The following NAV1 variants were observed in gnomAD, a reference collection of about 807,000 sequenced individuals.
The protein encoded by NAV1 is pore membrane and/or filament interacting like protein 3.
In NAV1, 18 loss-of-function variants were observed where a neutral mutation model predicts 175.2. The observed-to-expected ratio is 0.10, with a 90% CI of 0.07 to 0.15. The LOEUF is 0.15. Among genes scored for constraint, NAV1 ranks in the 10% least tolerant of loss-of-function variants. The pLI, the probability that NAV1 is intolerant of heterozygous loss-of-function variation, is 1.00. For missense variants in NAV1, 1,731 were observed against 2,436.6 expected, an observed-to-expected ratio of 0.71 and a Z score of 6.10; for synonymous variants, 897 against 978.7, an observed-to-expected ratio of 0.92 and a Z score of 1.56.
intron 1 of NAV1, among the ~76,000 whole-genome samples, chr1:201,568,600 G>A (rs1268985652): frequency 6.6e-6 from 1 of 152,120 alleles, no homozygotes; most frequent in East Asian, 1.9e-4. Context: ...TGGCAATTAG[G>A]CGTGTTGTTT....
chr1:201,670,664 G>A (rs1670007421), intron 1 of NAV1, among the ~76,000 whole-genome samples: 1 of 151,952 alleles, frequency 6.6e-6, no homozygotes, highest in African/African-American at 2.4e-5. Context: ...AGATGATGTG[G>A]TAATGCTTTC....
intron 1 of NAV1, among the ~76,000 whole-genome samples, chr1:201,549,935 C>T (rs144843554): frequency 0.019 from 2,779 of 144,096 alleles, 38 homozygotes; most frequent in Middle Eastern, 0.031. Context: ...GGCGTGAACC[C>T]AGGAGGCGGA....
intron 3 of NAV1, among the ~76,000 whole-genome samples, chr1:201,747,199 C>T (rs1673826071): frequency 6.6e-6 from 1 of 152,164 alleles, no homozygotes; most frequent in Non-Finnish European, 1.5e-5. Context: ...CCTGGGCCCC[C>T]ATTCTCGTGG....
rs115424725 is a variant in NAV1 at position 201,707,549 on chromosome 1, T to A, written c.758-5268T>A. Among the ~76,000 whole-genome samples the A allele has an allele frequency of 3.8e-3, 575 of 152,326 alleles. 3 individuals are homozygous for A. Among genetic ancestry groups the A allele is most frequent in the African/African-American group, 0.013 (546 of 41,564 alleles). The stretch of plus-strand genomic sequence containing the variant: ...CACAGGTCTTTCTGAATCTAAGGAC[T>A]ATGTTCTTGCCACTACATCACTGTC... On this transcript the variant is annotated intron_variant, in intron 1 of 29. Transcript: ENST00000367296.
intron 9 of NAV1, 64 bp downstream of exon 13, chr1:201,786,641 C>CA: frequency 6.6e-7 from 1 of 1,516,164 alleles, no homozygotes. Context: ...CAGGGTGAGG[C>CA]AAGGCAGGTG....
chr1:201,709,247 C>T (rs659356), intron 1 of NAV1, among the ~76,000 whole-genome samples: 8,619 of 151,876 alleles, frequency 0.057, 327 homozygotes, highest in South Asian at 0.15. Flanking sequence ...TGCTCACCCT[C>T]ACAGGAGATG....
intron 2 of NAV1, among the ~76,000 whole-genome samples, chr1:201,604,192 C>G (rs563684266): frequency 6.6e-6 from 1 of 152,274 alleles, no homozygotes; most frequent in South Asian, 2.1e-4. Flanking sequence ...GTAGCTGTGA[C>G]TAAAGGCATG....
chr1:201,683,574 T>A (rs1670553020), intron 1 of NAV1, among the ~76,000 whole-genome samples: 1 of 152,146 alleles, frequency 6.6e-6, no homozygotes, highest in African/African-American at 2.4e-5. Context: ...GCGGTCATGC[T>A]TGCCTGCACA....
At chr1:201,543,589 G>A (rs925966053) in intron 1 of NAV1, among the ~76,000 whole-genome samples, 8 of 151,754 alleles carry the variant, frequency 5.3e-5, no homozygotes, top group Admixed American at 3.9e-4. Flanking sequence ...TTTACATTAG[G>A]ATGGGTTGAT....
chr1:201,719,334 T>A (rs1304866454), intron 3 of NAV1, among the ~76,000 whole-genome samples: 1 of 152,066 alleles, frequency 6.6e-6, no homozygotes, highest in African/African-American at 2.4e-5. Flanking sequence ...GTCCTCAGTG[T>A]CTGCTCCTTG....
chr1:201,597,977 G>A (rs1040225785), intron 2 of NAV1, among the ~76,000 whole-genome samples: 2 of 152,194 alleles, frequency 1.3e-5, no homozygotes, highest in African/African-American at 4.8e-5. Context: ...CAGGATGCCT[G>A]GGCGTCAAGA....
intron 1 of NAV1, among the ~76,000 whole-genome samples, chr1:201,581,878 T>A (rs1378802845): frequency 2.0e-5 from 3 of 151,988 alleles, no homozygotes; most frequent in Non-Finnish European, 2.9e-5. Flanking sequence ...AAGAATTTTT[T>A]TAAAAATGAC....
chr1:201,544,350 T>C (rs921515337), intron 1 of NAV1, among the ~76,000 whole-genome samples: 8 of 152,254 alleles, frequency 5.3e-5, no homozygotes, highest in Non-Finnish European at 1.2e-4. Context: ...TGGTCGGTAA[T>C]ACTGACCCAC....
At chr1:201,614,525 A>G (rs1187913203) in intron 2 of NAV1, among the ~76,000 whole-genome samples, 7 of 152,144 alleles carry the variant, frequency 4.6e-5, no homozygotes, top group Non-Finnish European at 5.9e-5. Context: ...ATCCTGGGAG[A>G]TCAGAGGGAG....
chr1:201,822,533 G>A (rs138523667), exon 30 of NAV1: 2 of 152,648 alleles, frequency 1.3e-5, no homozygotes, highest in African/African-American at 4.8e-5. Context: ...GACCCCAAAG[G>A]GATTCTTGGC....
chr1:201,580,525 C>G (rs1210712914), intron 1 of NAV1, among the ~76,000 whole-genome samples: 1 of 152,168 alleles, frequency 6.6e-6, no homozygotes, highest in African/African-American at 2.4e-5. Flanking sequence ...GTAATCCCAC[C>G]ACTTTGGGAG....
At chr1:201,811,507 A>C in intron 24 of NAV1, 96 bp from the exon 29 acceptor site, 32 of 1,407,214 alleles carry the variant, frequency 2.3e-5, no homozygotes, top group Non-Finnish European at 2.9e-5. Context: ...CCCCAGGGGA[A>C]TCTAGATCTA....
chr1:201,697,438 C>G (rs1257730700), intron 1 of NAV1, among the ~76,000 whole-genome samples: 25 of 152,188 alleles, frequency 1.6e-4, no homozygotes, highest in Admixed American at 1.6e-3. Flanking sequence ...TTCTGGGCAG[C>G]CCTACCTTGC....
chr1:201,542,581 C>T lies in NAV1; in HGVS notation c.-144+3239C>T, dbSNP rs529219102. ...GGCCTGATTTCCTCCGAGAGGCCTG[C>T]GATTTTGCTTCCCAGCATCCTGTGA... On this transcript the variant is annotated intron_variant, in intron 1 of 33. Coordinates refer to the NAV1 transcript ENST00000685211. Among the ~76,000 whole-genome samples the T allele has an allele frequency of 2.0e-5, 3 of 152,168 alleles. 1 individual carries two copies. Among genetic ancestry groups the T allele is most frequent in the African/African-American group, 4.8e-5 (2 of 41,498 alleles).
Sources: allele counts gnomAD v4.1 joint callset (sites outside exome capture counted in the v4.1 genomes callset), GRCh38; gene constraint gnomAD v4.1.1; transcripts MANE v1.5; gene names NCBI Gene and HGNC (gene_info 2026-07-23, HGNC 2026-07-21).